Variants in MBTD1 observed in about 807,000 individuals in gnomAD.
MBTD1 encodes MBT domain-containing protein 1.
A neutral mutation model predicts 87.8 loss-of-function variants in MBTD1; 24 were observed. The ratio of observed to expected loss-of-function variants is 0.27; its 90% CI spans 0.20 to 0.38. The LOEUF (loss-of-function observed/expected upper bound fraction) is 0.38. Among genes scored for constraint, MBTD1 ranks in the 10% least tolerant of loss-of-function variants. The pLI, the probability that MBTD1 is intolerant of heterozygous loss-of-function variation, is 1.00. For synonymous variants in MBTD1, 237 were observed against 248.6 expected (o/e 0.95, Z 0.44); for missense variants, 436 against 760.2 (o/e 0.57, Z 5.02).
Position 51,202,867 on chromosome 17 carries a change from C to G in MBTD1, c.897G>C (p.Leu299Phe). The change falls in exon 10 of 17, where the codon TTG (leucine) becomes TTC (phenylalanine). Residue 299 changes from leucine to phenylalanine, a missense_variant. Coordinates refer to ENST00000586178, the MANE Select transcript of MBTD1 (RefSeq NM_017643.3). Reference sequence around the variant, plus strand: ...CCACCACTGCTACTCGTGTTCGACACAAATGCCTCTTGTCAACCACTTCTA... The same window carrying G: ...CCACCACTGCTACTCGTGTTCGACAGAAATGCCTCTTGTCAACCACTTCTA... ...MRVEVVDKRH[L>F]CRTRVAVVES... 1 of 1,614,124 alleles carries G rather than the reference C, an allele frequency of 6.2e-7. No individual in the cohort carries two copies. Among genetic ancestry groups the G allele is most frequent in the Non-Finnish European group, 8.5e-7 (1 of 1,180,020 alleles).
At position 51,212,364 on chromosome 17, in the gene MBTD1, AAAAAG is replaced by A. The variant is rs199587768; in HGVS notation, c.486+4965_486+4969del. On this transcript the variant is annotated intron_variant, in intron 6 of 16. Coordinates refer to ENST00000586178, the MANE Select transcript of MBTD1 (RefSeq NM_017643.3). Reference sequence around the variant, plus strand: ...AAGAGTGAGACTCCGCCTCAAAAAAAAAAAGAAAAGAAAAGAAAAGAAAAAGTATG... The same window carrying A: ...AAGAGTGAGACTCCGCCTCAAAAAAAAAAAGAAAAGAAAAGAAAAAGTATG... Among the ~76,000 whole-genome samples, 815 of 151,528 alleles carry A rather than the reference AAAAAG, an allele frequency of 5.4e-3. 5 individuals carry two copies. Among genetic ancestry groups the A allele is most frequent in the Middle Eastern group, 0.01 (3 of 292 alleles).
chr17:51,221,728 G>A (rs929316444), intron 3 of MBTD1, among the ~76,000 whole-genome samples: 5 of 152,098 alleles, frequency 3.3e-5, no homozygotes, highest in Admixed American at 3.3e-4. Context: ...TTATTTGCAT[G>A]GCATTTACAT....
intron 2 of MBTD1, among the ~76,000 whole-genome samples, chr17:51,238,162 C>CT (rs2143965236): frequency 6.6e-6 from 1 of 152,106 alleles, no homozygotes; most frequent in East Asian, 1.9e-4. Flanking sequence ...ATTATACTAC[C>CT]TAGATTGTGG....
In MBTD1 at chr17:51,202,711, G is replaced by T; in HGVS notation, c.1053C>A (p.Phe351Leu). 6.2e-7 allele frequency: 1 copy of T among 1,613,258 alleles called. No individual in the cohort carries two copies. The highest frequency in any genetic ancestry group is 1.1e-5 in the South Asian group (1 of 91,056). The part of the protein sequence containing the change: ...IGWSRSIGHR[F>L]KRSDITKKQD... ...GTGATAGGTGCTTACCAGATCTTTT[G>T]AATCGATGACCTATGCTTCGAGACC... The change falls in exon 10 of 17, where the codon TTC becomes TTA. Residue 351 changes from phenylalanine (F) to leucine (L), a missense_variant. Phe to Leu is a conservative substitution (Grantham distance 22, BLOSUM62 0). This residue lies in a region of MBTD1 where 268 missense variants were observed against 401.8 expected (regional missense o/e 0.67). Coordinates refer to ENST00000586178, the MANE Select transcript of MBTD1 (RefSeq NM_017643.3).
intron 2 of MBTD1, among the ~76,000 whole-genome samples, chr17:51,236,650 G>A (rs1358105784): frequency 1.3e-5 from 2 of 152,140 alleles, no homozygotes; most frequent in African/African-American, 2.4e-5. Flanking sequence ...CAAGGCCCGA[G>A]GCAGGGAGGC....
At chr17:51,198,927 C>T (rs1382566279) in intron 12 of MBTD1, among the ~76,000 whole-genome samples, 8 of 151,952 alleles carry the variant, frequency 5.3e-5, no homozygotes, top group Admixed American at 3.3e-4. Context: ...CTTAGCCTTT[C>T]GAGTAGCTGG....
At chr17:51,184,457 A>G (rs946633976) in intron 16 of MBTD1, 2 of 152,260 alleles carry the variant, frequency 1.3e-5, no homozygotes, top group Non-Finnish European at 2.9e-5. Context: ...TAGCTTTCAG[A>G]TAGTTAAGGT....
chr17:51,184,334 G>T (rs889973803), intron 16 of MBTD1: 1 of 152,198 alleles, frequency 6.6e-6, no homozygotes, highest in African/African-American at 2.4e-5. Flanking sequence ...TTAGAAGGAA[G>T]TCACTTTGTT....
At chr17:51,259,585 A>T (rs565012030) in intron 1 of MBTD1, among the ~76,000 whole-genome samples, 1 of 150,732 alleles carries the variant, frequency 6.6e-6, no homozygotes. Flanking sequence ...TTCTTCTCGA[A>T]TTTTTCTTCC....
At chr17:51,192,660 G>T in intron 15 of MBTD1, 122 bp downstream of exon 15, 4 of 1,516,148 alleles carry the variant, frequency 2.6e-6, no homozygotes, top group Non-Finnish European at 3.5e-6. Flanking sequence ...TGTCTTACCT[G>T]GCAACCAATC....
intron 16 of MBTD1, among the ~76,000 whole-genome samples, chr17:51,181,753 G>A (rs776530641): frequency 6.6e-6 from 1 of 152,198 alleles, no homozygotes; most frequent in Non-Finnish European, 1.5e-5. Context: ...CAAGGCGGGA[G>A]GCCAGTTCAA....
At chr17:51,239,779 A>C (rs926807349) in intron 2 of MBTD1, among the ~76,000 whole-genome samples, 2 of 152,202 alleles carry the variant, frequency 1.3e-5, no homozygotes, top group African/African-American at 4.8e-5. Flanking sequence ...ACAAAAAAAA[A>C]ATCCCAGTTG....
intron 3 of MBTD1, among the ~76,000 whole-genome samples, chr17:51,224,726 T>C (rs754917038): frequency 2.6e-5 from 4 of 152,248 alleles, no homozygotes; most frequent in Admixed American, 1.3e-4. Flanking sequence ...TATGCACTTA[T>C]ACTTTCAGTT....
intron 6 of MBTD1, among the ~76,000 whole-genome samples, chr17:51,208,914 G>A (rs2052011945): frequency 6.6e-6 from 1 of 152,148 alleles, no homozygotes; most frequent in Non-Finnish European, 1.5e-5. Context: ...ACTGTGTTTT[G>A]GTCCCTACAG....
At chr17:51,245,067 A>AT (rs1157998434) in intron 2 of MBTD1, among the ~76,000 whole-genome samples, 1 of 151,842 alleles carries the variant, frequency 6.6e-6, no homozygotes, top group Non-Finnish European at 1.5e-5. Flanking sequence ...CGCCCGGCTA[A>AT]TTTTTTGTAT....
At chr17:51,191,995 C>A in intron 16 of MBTD1, 1 of 566,842 alleles carries the variant, frequency 1.8e-6, no homozygotes, top group Non-Finnish European at 3.1e-6. Flanking sequence ...ACTTTAAATA[C>A]TGTGGTAATA....
chr17:51,243,541 G>A (rs916961294), intron 2 of MBTD1, among the ~76,000 whole-genome samples: 1 of 152,130 alleles, frequency 6.6e-6, no homozygotes, highest in African/African-American at 2.4e-5. Context: ...ATCAGTTTTA[G>A]GAAATCTGAC....
intron 2 of MBTD1, among the ~76,000 whole-genome samples, chr17:51,236,208 T>C (rs2053828928): frequency 6.6e-6 from 1 of 152,150 alleles, no homozygotes; most frequent in South Asian, 2.1e-4. Context: ...CAGTGTTTTG[T>C]TCACACTGCT....
In MBTD1 at chr17:51,206,921, C is replaced by G; in HGVS notation, c.571G>C (p.Val191Leu). Residue 191 changes from valine to leucine, a missense_variant, in exon 7 of 17, where the codon GTC becomes CTC. Coordinates refer to ENST00000586178, the MANE Select transcript of MBTD1 (RefSeq NM_017643.3). ...TTTACAATTCCAGCAATCCAGAAGA[C>G]TTTGGTAGGTAGGCTGCAGTCTGTA... ...PNTDCSLPTK[V>L]FWIAGIVKLA... 6.2e-7 allele frequency: 1 copy of G among 1,613,494 alleles called. No homozygotes were observed. Among genetic ancestry groups the G allele is most frequent in the African/African-American group, 1.3e-5 (1 of 75,012 alleles).
Sources: allele counts gnomAD v4.1 joint callset (sites outside exome capture counted in the v4.1 genomes callset), GRCh38; gene constraint gnomAD v4.1.1; regional missense constraint gnomAD v4.1.1; transcripts MANE v1.5; gene names NCBI Gene and HGNC (gene_info 2026-07-23, HGNC 2026-07-21).